GRIA1: variants seen among roughly 807,000 people sequenced by gnomAD.
GRIA1 encodes the protein glutamate receptor 1.
GRIA1 carries 31 observed loss-of-function variants against 99.2 expected under a neutral mutation model. The observed-to-expected ratio is 0.31, with a 90% CI of 0.23 to 0.42. The LOEUF (loss-of-function observed/expected upper bound fraction) is 0.42, where lower values mean the gene tolerates loss of function less well. Among genes scored for constraint, GRIA1 ranks in the 10% least tolerant of loss-of-function variants. The pLI is 1.00. For synonymous variants in GRIA1, 438 were observed against 432.4 expected, an observed-to-expected ratio of 1.01 and a Z score of -0.16; for missense variants, 782 against 1,157.5, an observed-to-expected ratio of 0.68 and a Z score of 4.71.
rs1161905685 is a variant in GRIA1, at chr5:153,813,468, AGG to A, written c.*2247_*2248del. 2.0e-5 allele frequency: 3 copies of A among 152,358 alleles called. No individual in the cohort carries two copies. The East Asian group carries it at 5.8e-4, about 29-fold the overall frequency. 9.4% of individuals were successfully genotyped at this position (152,358 alleles called of 1,614,324 possible). A position where few individuals can be genotyped will look rare whatever the true frequency, so the allele number is the denominator to read the frequency against. ...GCTAGAAATGAGGGTCTATGCTATG[AGG>A]GGGTCCAAGACTCTGGCGAAATGTG... On this transcript the variant is annotated 3_prime_UTR_variant, in exon 16 of 16. Transcript: ENST00000285900.
chr5:153,624,119 A>G (rs1021053556), intron 2 of GRIA1, among the ~76,000 whole-genome samples: 1 of 152,188 alleles, frequency 6.6e-6, no homozygotes, highest in Non-Finnish European at 1.5e-5. Flanking sequence ...CTTGACATTT[A>G]ACCGTAATAA....
intron 2 of GRIA1, among the ~76,000 whole-genome samples, chr5:153,603,412 G>A (rs1765168813): frequency 6.6e-6 from 1 of 152,112 alleles, no homozygotes; most frequent in Non-Finnish European, 1.5e-5. Context: ...ATAGCAGCAT[G>A]ATTTATAGCC....
At chr5:153,600,025 C>T (rs1008735896) in intron 2 of GRIA1, among the ~76,000 whole-genome samples, 15 of 152,100 alleles carry the variant, frequency 9.9e-5, no homozygotes, top group Admixed American at 1.3e-4. Context: ...AGGCACTGCG[C>T]ACCTTGTTGC....
At chr5:153,569,604 C>A (rs1229276659) in intron 2 of GRIA1, among the ~76,000 whole-genome samples, 1 of 152,136 alleles carries the variant, frequency 6.6e-6, no homozygotes, top group Non-Finnish European at 1.5e-5. Flanking sequence ...GACCTGAATT[C>A]TGTATTTTGT....
chr5:153,590,965 T>C (rs1371766373), intron 2 of GRIA1, among the ~76,000 whole-genome samples: 1 of 152,216 alleles, frequency 6.6e-6, no homozygotes, highest in African/African-American at 2.4e-5. Flanking sequence ...ATTGTGTTAA[T>C]TGTAAGCACT....
chr5:153,556,127 G>A (rs370390581), intron 2 of GRIA1, among the ~76,000 whole-genome samples: 17 of 152,320 alleles, frequency 1.1e-4, no homozygotes, highest in African/African-American at 3.8e-4. Flanking sequence ...GGTGAAATGA[G>A]TAGTATGTGG....
chr5:153,608,257 G>A (rs906318730), intron 2 of GRIA1, among the ~76,000 whole-genome samples: 1 of 151,936 alleles, frequency 6.6e-6, no homozygotes, highest in Non-Finnish European at 1.5e-5. Context: ...AACATCATTT[G>A]GGTACATTGG....
chr5:153,507,001 G>T (rs1201161163), intron 2 of GRIA1, among the ~76,000 whole-genome samples: 3 of 152,018 alleles, frequency 2.0e-5, no homozygotes, highest in African/African-American at 7.2e-5. Context: ...CACACACCTG[G>T]AATCTCAGCT....
intron 2 of GRIA1, among the ~76,000 whole-genome samples, chr5:153,615,804 A>G (rs1236345743): frequency 6.6e-6 from 1 of 152,164 alleles, no homozygotes; most frequent in Non-Finnish European, 1.5e-5. Context: ...CCATCTCTAG[A>G]TGTTGAAACT....
At chr5:153,605,685 G>A (rs1581315135) in intron 2 of GRIA1, among the ~76,000 whole-genome samples, 1 of 152,062 alleles carries the variant, frequency 6.6e-6, no homozygotes, top group Admixed American at 6.5e-5. Flanking sequence ...TCCTGGTGGG[G>A]GTGTAGTGAT....
At chr5:153,546,749 A>G (rs1204182371) in intron 2 of GRIA1, among the ~76,000 whole-genome samples, 3 of 152,144 alleles carry the variant, frequency 2.0e-5, no homozygotes, top group Non-Finnish European at 4.4e-5. Flanking sequence ...CTATTGCACA[A>G]CTGCAGCATT....
intron 11 of GRIA1, among the ~76,000 whole-genome samples, chr5:153,708,260 C>T (rs1485483115): frequency 6.6e-6 from 1 of 152,094 alleles, no homozygotes; most frequent in Non-Finnish European, 1.5e-5. Flanking sequence ...TGAACAGGTC[C>T]GCGCATTCAC....
Position 153,764,527 on chromosome 5 carries a change from C to G in GRIA1, c.1917C>G (p.Thr639=). ...SYTANLAAFL[T]VERMVSPIES... ...CAGCCAATCTGGCCGCCTTCCTGACCGTGGAGAGGATGGTGTCTCCCATTG... is the reference window on the plus strand; with the variant it reads ...CAGCCAATCTGGCCGCCTTCCTGACGGTGGAGAGGATGGTGTCTCCCATTG... Residue 639 remains threonine (T), a synonymous_variant, in exon 12 of 16, where the codon ACC becomes ACG. Transcript: ENST00000285900. 1.2e-6 allele frequency: 2 copies of G among 1,613,636 alleles called. No individual in the cohort carries two copies. Among genetic ancestry groups the G allele is most frequent in the Non-Finnish European group, 1.7e-6 (2 of 1,179,558 alleles).
chr5:153,794,756 A>T, intron 14 of GRIA1, 21 bp downstream of exon 14: 1 of 1,475,904 alleles, frequency 6.8e-7, no homozygotes. Flanking sequence ...GTAAGAAAAA[A>T]AAAAACCTAG....
chr5:153,700,256 G>A (rs189681690), intron 10 of GRIA1, among the ~76,000 whole-genome samples: 5 of 152,172 alleles, frequency 3.3e-5, no homozygotes, highest in Admixed American at 3.3e-4. Flanking sequence ...ATGGTGGCGG[G>A]CACCTGTAAT....
chr5:153,598,681 TC>T (rs1248812033), intron 2 of GRIA1, among the ~76,000 whole-genome samples: 5 of 152,148 alleles, frequency 3.3e-5, no homozygotes. Context: ...TCTTGTTTCT[TC>T]CTTTCCTTAT....
intron 2 of GRIA1, among the ~76,000 whole-genome samples, chr5:153,530,662 G>A (rs1482562982): frequency 3.9e-5 from 6 of 152,168 alleles, no homozygotes; most frequent in East Asian, 1.9e-4. Context: ...TTCAACAGTT[G>A]GGCCTGGGTG....
intron 2 of GRIA1, among the ~76,000 whole-genome samples, chr5:153,591,734 G>T (rs1285797142): frequency 6.6e-6 from 1 of 152,190 alleles, no homozygotes; most frequent in Non-Finnish European, 1.5e-5. Context: ...AGCAAGGAAG[G>T]CATTTAAAAA....
At chr5:153,799,474 A>G (rs1044435294) in intron 14 of GRIA1, among the ~76,000 whole-genome samples, 6 of 152,234 alleles carry the variant, frequency 3.9e-5, no homozygotes, top group Non-Finnish European at 7.3e-5. Context: ...GGGAATCAGA[A>G]CATTTTGTGT....
Sources: gnomAD v4.1 joint callset for allele counts (sites outside exome capture counted in the v4.1 genomes callset) on GRCh38, gnomAD v4.1.1 for gene constraint, MANE v1.5 for transcripts, NCBI Gene and HGNC (gene_info 2026-07-23, HGNC 2026-07-21) for gene names.